Variants in RUNDC3B observed in about 807,000 individuals in gnomAD.
RUNDC3B encodes the protein RUN domain-containing protein 3B.
In RUNDC3B, 33 loss-of-function variants were observed where a neutral mutation model predicts 58.4. The observed-to-expected ratio is 0.56, with a 90% confidence interval of 0.43 to 0.75. The LOEUF (loss-of-function observed/expected upper bound fraction) is 0.75. Among genes scored for constraint, RUNDC3B ranks in the 30% least tolerant of loss-of-function variants. The probability of loss-of-function intolerance (pLI) is 0.00; values close to 1 mark genes in which losing one functional copy is unlikely to be tolerated. For synonymous variants in RUNDC3B, 193 were observed against 195.2 expected, an observed-to-expected ratio of 0.99 and a Z score of 0.10; for missense variants, 501 against 535.7, an observed-to-expected ratio of 0.94 and a Z score of 0.64.
At chr7:87,738,265 G>A (rs1178187731) in intron 4 of RUNDC3B, among the ~76,000 whole-genome samples, 1 of 151,970 alleles carries the variant, frequency 6.6e-6, no homozygotes, top group African/African-American at 2.4e-5. Flanking sequence ...TATTGGACCA[G>A]GGACAAAGTC....
intron 8 of RUNDC3B, among the ~76,000 whole-genome samples, chr7:87,793,943 C>T (rs1181842531): frequency 2.6e-5 from 4 of 152,058 alleles, no homozygotes; most frequent in Admixed American, 2.6e-4. Flanking sequence ...ACTAAAGACT[C>T]CACCAAAAAA....
Position 87,729,243 on chromosome 7 carries a change from C to CA in RUNDC3B, c.459-10539dup, listed in dbSNP as rs201849982. Among the ~76,000 whole-genome samples the CA allele has an allele frequency of 4.7e-4, 70 of 149,996 alleles. 1 individual carries two copies. The East Asian group carries it at 5.1e-3, about 11-fold the overall frequency. The stretch of plus-strand genomic sequence containing the variant: ...ACACCAAATTGAAGAACTATCCGAA[C>CA]AAAAAAAAACACCTCCAGAAGAACC... On this transcript the variant is annotated intron_variant, in intron 4 of 10. Transcript: ENST00000394654.
At chr7:87,764,661 A>T (rs370300440) in intron 6 of RUNDC3B, among the ~76,000 whole-genome samples, 9 of 151,756 alleles carry the variant, frequency 5.9e-5, no homozygotes, top group Non-Finnish European at 1.2e-4. Flanking sequence ...TCTGTTTCTG[A>T]GCTATCTCAC....
rs370948279 is a variant in RUNDC3B, at chr7:87,700,415, C to G, written c.239-6C>G. 16 of 1,590,374 alleles carry G rather than the reference C, an allele frequency of 1.0e-5. No individual in the cohort carries two copies. The highest frequency in any genetic ancestry group is 1.3e-5 in the Non-Finnish European group (15 of 1,171,734). The stretch of plus-strand genomic sequence containing the variant: ...AAAATTTTATATCGCAATTTGTCTC[C>G]TGAAGGTCAAGTAACCTGGTTTGGT... On this transcript the variant is annotated splice_region_variant and splice_polypyrimidine_tract_variant and intron_variant, in intron 2 of 10. Coordinates refer to ENST00000394654, the MANE Select transcript of RUNDC3B (RefSeq NM_001134405.2).
In RUNDC3B at chr7:87,729,893, C is replaced by T. The variant is rs935888344; in HGVS notation, c.459-9898C>T. Among the ~76,000 whole-genome samples the T allele has an allele frequency of 6.6e-5, 10 of 152,062 alleles. No individual in the cohort carries two copies. In the East Asian group the frequency reaches 1.2e-3, roughly 18 times the overall value. On this transcript the variant is annotated intron_variant, in intron 4 of 10. Coordinates refer to ENST00000394654, the MANE Select transcript of RUNDC3B (RefSeq NM_001134405.2). Reference sequence around the variant, plus strand: ...TGAAACTTGGACATCAGCATAGCTACGGAAGAATAGGGTATCAGGAACAGT... The same window carrying T: ...TGAAACTTGGACATCAGCATAGCTATGGAAGAATAGGGTATCAGGAACAGT...
intron 6 of RUNDC3B, among the ~76,000 whole-genome samples, chr7:87,766,289 G>A: frequency 6.6e-6 from 1 of 152,120 alleles, no homozygotes; most frequent in East Asian, 1.9e-4. Context: ...CTGTCACAGT[G>A]TTGATAACTA....
At chr7:87,659,900 A>C (rs1450783114) in intron 2 of RUNDC3B, among the ~76,000 whole-genome samples, 29 of 152,160 alleles carry the variant, frequency 1.9e-4, no homozygotes, top group Non-Finnish European at 1.5e-5. Flanking sequence ...TTTAATGTGA[A>C]GAATTACATC....
At chr7:87,715,511 A>G (rs1344002946) in intron 4 of RUNDC3B, among the ~76,000 whole-genome samples, 2 of 134,572 alleles carry the variant, frequency 1.5e-5, no homozygotes, top group African/African-American at 5.6e-5. Flanking sequence ...ATTATATATA[A>G]TTAATTATAT....
chr7:87,645,076 T>G lies in RUNDC3B; in HGVS notation c.123-5746T>G, dbSNP rs185143937. ...TAAGGTTTTAGTCACAATCATGCTTTCTTTCTTTTTTTTTTTTTTTTTTGA... is the reference window on the plus strand; with the variant it reads ...TAAGGTTTTAGTCACAATCATGCTTGCTTTCTTTTTTTTTTTTTTTTTTGA... On this transcript the variant is annotated intron_variant, in intron 1 of 10. Transcript: ENST00000394654. Among the ~76,000 whole-genome samples the G allele has an allele frequency of 2.8e-3, 425 of 150,840 alleles. 2 individuals are homozygous for G. The highest frequency in any genetic ancestry group is 4.9e-3 in the Non-Finnish European group (333 of 67,618).
At chr7:87,762,202 T>C (rs1364880515) in intron 6 of RUNDC3B, among the ~76,000 whole-genome samples, 1 of 151,684 alleles carries the variant, frequency 6.6e-6, no homozygotes, top group Admixed American at 6.6e-5. Context: ...ATCACATGCT[T>C]TTTCTGCATC....
At chr7:87,814,099 TC>T (rs1836889032) in intron 9 of RUNDC3B, among the ~76,000 whole-genome samples, 1 of 151,256 alleles carries the variant, frequency 6.6e-6, no homozygotes, top group Non-Finnish European at 1.5e-5. Flanking sequence ...TTTCTTTCTT[TC>T]CTTTTTTTTT....
At chr7:87,675,198 C>T (rs1281143760) in intron 2 of RUNDC3B, among the ~76,000 whole-genome samples, 2 of 152,212 alleles carry the variant, frequency 1.3e-5, no homozygotes, top group Non-Finnish European at 2.9e-5. Context: ...CTTCCTCCCT[C>T]TTCCACCCAG....
intron 4 of RUNDC3B, among the ~76,000 whole-genome samples, chr7:87,718,428 A>T (rs1168969269): frequency 6.6e-6 from 1 of 152,164 alleles, no homozygotes; most frequent in Non-Finnish European, 1.5e-5. Context: ...TTTTTGTACA[A>T]GCAGTTTAGG....
chr7:87,632,011 G>A (rs1037127480), intron 1 of RUNDC3B, among the ~76,000 whole-genome samples: 28 of 151,630 alleles, frequency 1.8e-4, no homozygotes, highest in African/African-American at 3.4e-4. Flanking sequence ...GCTAAATTAC[G>A]TATGTGCATT....
In RUNDC3B at chr7:87,628,894, T is replaced by A; in HGVS notation, c.71T>A (p.Leu24Gln). The change falls in exon 1 of 11, where the codon CTG becomes CAG. Residue 24 changes from leucine (L) to glutamine (Q), a missense_variant. Coordinates refer to ENST00000394654, the MANE Select transcript of RUNDC3B (RefSeq NM_001134405.2). ...GGCGGCGGAGGCGGCAAGAAAAGCC[T>A]GAGCGCCCGCAATGCTGCGGTGGAG... ...GGGGGGGKKS[L>Q]SARNAAVERR... 1.5e-6 allele frequency: 2 copies of A among 1,303,848 alleles called. No homozygotes were observed. Among genetic ancestry groups the A allele is most frequent in the Non-Finnish European group, 2.0e-6 (2 of 1,018,532 alleles). 80.8% of individuals were successfully genotyped at this position (1,303,848 alleles called of 1,614,324 possible). A position where few individuals can be genotyped will look rare whatever the true frequency, so the allele number is the denominator to read the frequency against.
At chr7:87,629,794 C>G (rs28381770) in intron 1 of RUNDC3B, among the ~76,000 whole-genome samples, 1 of 151,556 alleles carries the variant, frequency 6.6e-6, no homozygotes, top group Non-Finnish European at 1.5e-5. Context: ...GGCGTGGTGG[C>G]GGGCTCCTGT....
chr7:87,803,729 C>T (rs1836290300), intron 8 of RUNDC3B, among the ~76,000 whole-genome samples: 1 of 152,150 alleles, frequency 6.6e-6, no homozygotes, highest in African/African-American at 2.4e-5. Context: ...CTACCTAATA[C>T]ATTTACTTGA....
intron 7 of RUNDC3B, 131 bp downstream of exon 7, chr7:87,770,880 C>A: frequency 1.7e-6 from 1 of 589,632 alleles, no homozygotes; most frequent in Non-Finnish European, 2.8e-6. Flanking sequence ...TTGAATTGTC[C>A]TCCTCTTAAT....
At chr7:87,780,817 CTCTGT>C (rs1232035162) in intron 8 of RUNDC3B, among the ~76,000 whole-genome samples, 2 of 152,080 alleles carry the variant, frequency 1.3e-5, no homozygotes, top group Non-Finnish European at 2.9e-5. Context: ...TTTCTAGGTT[CTCTGT>C]TCTGTTCCAT....
Sources: allele counts gnomAD v4.1 joint callset (sites outside exome capture counted in the v4.1 genomes callset), GRCh38; gene constraint gnomAD v4.1.1; transcripts MANE v1.5; gene names NCBI Gene and HGNC (gene_info 2026-07-23, HGNC 2026-07-21).